Variants in ARMC8 observed in about 807,000 individuals in gnomAD.
ARMC8 encodes the protein armadillo repeat containing 8.
In ARMC8, 20 loss-of-function variants were observed where a neutral mutation model predicts 99.3. The ratio of observed to expected loss-of-function variants is 0.20; its 90% CI spans 0.14 to 0.29. The LOEUF (loss-of-function observed/expected upper bound fraction) is 0.29. ARMC8 is among the 10% of genes least tolerant of loss of function. ARMC8 has a pLI of 1.00. For synonymous variants in ARMC8, 263 were observed against 278.3 expected (o/e 0.95, Z 0.55); for missense variants, 569 against 809.5 (o/e 0.70, Z 3.60).
intron 2 of ARMC8, among the ~76,000 whole-genome samples, chr3:138,212,986 T>C (rs770633440): frequency 6.6e-6 from 1 of 152,220 alleles, no homozygotes; most frequent in African/African-American, 2.4e-5. Context: ...TGTGAACATA[T>C]ACGAGGCATG....
intron 1 of ARMC8, among the ~76,000 whole-genome samples, chr3:138,189,729 C>G (rs887495081): frequency 6.6e-6 from 1 of 152,182 alleles, no homozygotes; most frequent in Admixed American, 6.5e-5. Flanking sequence ...CTTGGGAAAT[C>G]TCATTGATTT....
intron 1 of ARMC8, among the ~76,000 whole-genome samples, chr3:138,200,998 T>C (rs1321116800): frequency 6.8e-6 from 1 of 146,450 alleles, no homozygotes; most frequent in African/African-American, 2.5e-5. Context: ...TTGTAGCCTC[T>C]GCTTCCTGGG....
At chr3:138,267,273 C>A in intron 15 of ARMC8, 32 bp downstream of exon 15, 1 of 1,339,326 alleles carries the variant, frequency 7.5e-7, no homozygotes, top group Non-Finnish European at 1.0e-6. Context: ...CTAGACTTTG[C>A]CCAGTCCAGC....
intron 2 of ARMC8, among the ~76,000 whole-genome samples, chr3:138,219,451 G>C (rs1276256830): frequency 2.0e-5 from 3 of 152,198 alleles, no homozygotes; most frequent in African/African-American, 7.2e-5. Context: ...ATTCAGACCT[G>C]AAGGATGAGT....
rs755558879 is a variant in ARMC8 at position 138,239,473 on chromosome 3, C to G, written c.782C>G (p.Thr261Ser). Residue 261 changes from threonine (T) to serine (S), a missense_variant, in exon 10 of 22, where the codon ACT becomes AGT. Around this residue, in one of 2 missense-constraint regions of ARMC8, gnomAD observed 342 missense variants for 391.6 expected, o/e 0.87. Coordinates refer to ENST00000469044, the MANE Select transcript of ARMC8 (RefSeq NM_001363941.2). Reference sequence around the variant, plus strand: ...TTTCTGCTGTCTTATTCCAGTTTAACTTACATGTGTAGAGCTGGAGCAATT... The same window carrying G: ...TTTCTGCTGTCTTATTCCAGTTTAAGTTACATGTGTAGAGCTGGAGCAATT... ...EMQLTSAKCL[T>S]YMCRAGAIRT... The G allele has an allele frequency of 1.3e-6, 2 of 1,598,450 alleles. No homozygotes were observed. The highest frequency in any genetic ancestry group is 1.7e-5 in the Admixed American group (1 of 57,482).
At chr3:138,264,412 CTTTTTTTTTTTT>C (rs11298899) in intron 14 of ARMC8, among the ~76,000 whole-genome samples, 200 bp downstream of exon 14, 8 of 48,630 alleles carry the variant, frequency 1.6e-4, no homozygotes, top group South Asian at 1.2e-3. Flanking sequence ...GATTTTCTTT[CTTTTTTTTTTTT>C]TTTTTTTTTT....
intron 1 of ARMC8, chr3:138,188,508 C>A: frequency 6.2e-7 from 1 of 1,613,650 alleles, no homozygotes; most frequent in Non-Finnish European, 8.5e-7. Flanking sequence ...GCAACAAATT[C>A]GAGCTGTCCG....
At chr3:138,292,492 G>T (rs948994533) in intron 21 of ARMC8, among the ~76,000 whole-genome samples, 18 of 152,274 alleles carry the variant, frequency 1.2e-4, no homozygotes, top group African/African-American at 4.3e-4. Flanking sequence ...AGAAGTGGTT[G>T]GATTCAGGAT....
intron 15 of ARMC8, 90 bp from the exon 16 acceptor site, chr3:138,269,949 GA>G: frequency 1.3e-6 from 1 of 746,812 alleles, no homozygotes; most frequent in Non-Finnish European, 2.2e-6. Context: ...TAAGAGTGGG[GA>G]AGAAATCACA....
chr3:138,245,517 C>G (rs893873545), intron 12 of ARMC8: 5 of 1,195,056 alleles, frequency 4.2e-6, no homozygotes, highest in Admixed American at 4.1e-5. Flanking sequence ...CCTTGAAAGT[C>G]CTAACATTAG....
chr3:138,230,321 T>C (rs577084067), intron 6 of ARMC8, among the ~76,000 whole-genome samples: 14 of 152,258 alleles, frequency 9.2e-5, no homozygotes, highest in African/African-American at 3.4e-4. Flanking sequence ...GCCTGGCAAG[T>C]TGAGGAAGAT....
At chr3:138,187,927 T>G in intron 1 of ARMC8, 1 of 378,208 alleles carries the variant, frequency 2.6e-6, no homozygotes, top group Non-Finnish European at 4.8e-6. Flanking sequence ...GCCTTCCTTT[T>G]AGCGATGCCG....
intron 2 of ARMC8, among the ~76,000 whole-genome samples, chr3:138,217,891 G>T (rs2045164825): frequency 6.6e-6 from 1 of 152,190 alleles, no homozygotes; most frequent in African/African-American, 2.4e-5. Context: ...CACTCGACAT[G>T]TCACATATCA....
At position 138,229,002 on chromosome 3, in the gene ARMC8, T is replaced by C. The variant is rs1425390887; in HGVS notation, c.520T>C (p.Cys174Arg). 1 of 1,605,860 alleles carries C rather than the reference T, an allele frequency of 6.2e-7. No individual in the cohort carries two copies. The highest frequency in any genetic ancestry group is 8.5e-7 in the Non-Finnish European group (1 of 1,174,732). ...GTACATCTGTCAGATCTTCTCACACTGCTGTAAAGTAAGAACCAGAATAAA... is the reference window on the plus strand; with the variant it reads ...GTACATCTGTCAGATCTTCTCACACCGCTGTAAAGTAAGAACCAGAATAAA... ...QEYICQIFSH[C>R]CKGPDHQTIL... The change falls in exon 6 of 22, where the codon TGC becomes CGC. Residue 174 changes from cysteine (C) to arginine (R), a missense_variant. By Grantham distance (180) the Cys-to-Arg change is radical. Around this residue, in one of 2 missense-constraint regions of ARMC8, gnomAD observed 342 missense variants for 391.6 expected, o/e 0.87. Transcript: ENST00000469044.
chr3:138,258,898 T>A (rs1238059191), intron 12 of ARMC8, among the ~76,000 whole-genome samples: 1 of 152,224 alleles, frequency 6.6e-6, no homozygotes, highest in Non-Finnish European at 1.5e-5. Flanking sequence ...GTACCCCTTC[T>A]GGCTGGGCAC....
intron 11 of ARMC8, 56 bp downstream of exon 11, chr3:138,242,039 A>C: frequency 6.7e-7 from 1 of 1,485,718 alleles, no homozygotes. Context: ...AGTTTTTCTT[A>C]CTGTTCACAG....
chr3:138,245,089 T>C lies in ARMC8; in HGVS notation c.1040T>C (p.Leu347Pro). ...SVSAITDIKR[L>P]DHDLKHAHEL... ...AACATATCCTTTTTTTCCCCATAGC[T>C]TGATCATGATTTAAAACATGCTCAC... is the stretch of plus-strand genomic sequence containing the variant. The change falls in exon 12 of 22, where the codon CTT becomes CCT. Residue 347 changes from leucine to proline, a missense_variant and splice_region_variant. Physicochemically the swap from Leu to Pro is moderately conservative, Grantham distance 98. This residue lies in a region of ARMC8 where 227 missense variants were observed against 417.9 expected (regional missense o/e 0.54). Coordinates refer to ENST00000469044, the MANE Select transcript of ARMC8 (RefSeq NM_001363941.2). 1 of 1,614,048 alleles carries C rather than the reference T, an allele frequency of 6.2e-7. No individual in the cohort carries two copies. The highest frequency in any genetic ancestry group is 8.5e-7 in the Non-Finnish European group (1 of 1,179,960).
chr3:138,215,995 G>A (rs2108052185), intron 2 of ARMC8, among the ~76,000 whole-genome samples: 1 of 151,160 alleles, frequency 6.6e-6, no homozygotes. Flanking sequence ...CGAGTAGCTG[G>A]GATTACAGCT....
chr3:138,187,381 T>G lies in ARMC8; in HGVS notation c.-174T>G, dbSNP rs932251974. Reference sequence around the variant, plus strand: ...TAGGACAGCCCCTGACGCCATTCCCTTTTGCCCTTCTTTCTGCGGGCCTTT... The same window carrying G: ...TAGGACAGCCCCTGACGCCATTCCCGTTTGCCCTTCTTTCTGCGGGCCTTT... On this transcript the variant is annotated 5_prime_UTR_variant, in exon 1 of 22. Transcript: ENST00000469044. 8 of 615,054 alleles carry G rather than the reference T, an allele frequency of 1.3e-5. No homozygotes were observed. The highest frequency in any genetic ancestry group is 2.3e-5 in the Non-Finnish European group (8 of 349,404). The allele number at this position is 615,054 out of a possible 1,614,324, so 38.1% of individuals were successfully genotyped here. A position where few individuals can be genotyped will look rare whatever the true frequency, so the allele number is the denominator to read the frequency against.
Sources: gnomAD v4.1 joint callset for allele counts (sites outside exome capture counted in the v4.1 genomes callset) on GRCh38, gnomAD v4.1.1 for gene constraint, gnomAD v4.1.1 regional missense constraint, MANE v1.5 for transcripts, NCBI Gene and HGNC (gene_info 2026-07-23, HGNC 2026-07-21) for gene names.